The following PLEKHM3 variants were observed in gnomAD, a reference collection of about 807,000 sequenced individuals.
PLEKHM3 encodes pleckstrin homology domain containing M3.
A neutral mutation model predicts 81.8 loss-of-function variants in PLEKHM3; 45 were observed. That is an observed-to-expected ratio of 0.55 (90% confidence interval 0.43 to 0.71). The LOEUF is 0.71. PLEKHM3 is among the 30% of genes least tolerant of loss of function. The probability of loss-of-function intolerance (pLI) is 0.00; values close to 1 mark genes in which losing one functional copy is unlikely to be tolerated. For missense variants in PLEKHM3, 788 were observed against 924.3 expected (o/e 0.85, Z 1.91); for synonymous variants, 352 against 356.4 (o/e 0.99, Z 0.14).
At chr2:207,988,955 T>C (rs990990690) in intron 2 of PLEKHM3, among the ~76,000 whole-genome samples, 4 of 152,200 alleles carry the variant, frequency 2.6e-5, no homozygotes, top group South Asian at 2.1e-4. Flanking sequence ...CAATACCTTA[T>C]TTGCCTCTCT....
intron 5 of PLEKHM3, among the ~76,000 whole-genome samples, chr2:207,914,326 T>C (rs1688912424): frequency 6.6e-6 from 1 of 151,672 alleles, no homozygotes; most frequent in Non-Finnish European, 1.5e-5. Context: ...AGAAACCCCA[T>C]CTCTACTAAA....
chr2:208,020,199 T>C (rs1693079650), intron 1 of PLEKHM3, among the ~76,000 whole-genome samples: 1 of 152,376 alleles, frequency 6.6e-6, no homozygotes, highest in African/African-American at 2.4e-5. Flanking sequence ...CTTTAGTTTG[T>C]ACTGAATTAT....
intron 7 of PLEKHM3, among the ~76,000 whole-genome samples, chr2:207,858,136 ATGTG>A (rs141449083): frequency 0.04 from 5,046 of 126,614 alleles, 220 homozygotes; most frequent in African/African-American, 0.09. Flanking sequence ...TCATATAGAT[ATGTG>A]TGTGTGTGTG....
At chr2:207,930,309 C>A (rs1689546719) in intron 5 of PLEKHM3, among the ~76,000 whole-genome samples, 1 of 152,120 alleles carries the variant, frequency 6.6e-6, no homozygotes, top group Non-Finnish European at 1.5e-5. Flanking sequence ...GAGGCCCACA[C>A]AGTGGCTCAC....
chr2:207,912,514 T>G (rs565969073), intron 5 of PLEKHM3, among the ~76,000 whole-genome samples: 25 of 152,188 alleles, frequency 1.6e-4, no homozygotes, highest in Non-Finnish European at 3.5e-4. Context: ...TCTGGAGAAC[T>G]GGAGAAGATG....
intron 3 of PLEKHM3, among the ~76,000 whole-genome samples, chr2:207,969,306 A>C (rs960289408): frequency 1.3e-5 from 2 of 152,226 alleles, no homozygotes; most frequent in Non-Finnish European, 2.9e-5. Context: ...AAGAATTGCT[A>C]TTCTACATGA....
At chr2:207,865,794 AAAAAAAAAG>A (rs1435502673) in intron 6 of PLEKHM3, among the ~76,000 whole-genome samples, 7 of 43,854 alleles carry the variant, frequency 1.6e-4, no homozygotes, top group African/African-American at 8.7e-4. Flanking sequence ...AAAAAAAAAA[AAAAAAAAAG>A]ATATATATAT....
intron 3 of PLEKHM3, among the ~76,000 whole-genome samples, chr2:207,955,545 TG>T (rs1483240111): frequency 6.6e-6 from 1 of 152,178 alleles, no homozygotes; most frequent in Non-Finnish European, 1.5e-5. Context: ...TGTAAATACA[TG>T]TGTATGTCTC....
chr2:207,853,135 A>G (rs1430508248), intron 7 of PLEKHM3, among the ~76,000 whole-genome samples: 2 of 152,222 alleles, frequency 1.3e-5, no homozygotes, highest in Non-Finnish European at 1.5e-5. Flanking sequence ...GGTATGCTCA[A>G]TAGATTATTT....
At chr2:207,852,382 G>A (rs983869882) in intron 7 of PLEKHM3, among the ~76,000 whole-genome samples, 4 of 152,158 alleles carry the variant, frequency 2.6e-5, no homozygotes, top group Admixed American at 2.6e-4. Flanking sequence ...GCTGGCACTA[G>A]TACTAATAAA....
At chr2:208,019,769 C>G (rs373302353) in intron 1 of PLEKHM3, 1 of 152,236 alleles carries the variant, frequency 6.6e-6, no homozygotes, top group Non-Finnish European at 1.5e-5. Context: ...GGCCTGTTTA[C>G]TGTCTGTCTC....
chr2:207,889,397 A>G (rs1342761357), intron 6 of PLEKHM3, among the ~76,000 whole-genome samples: 4 of 150,052 alleles, frequency 2.7e-5, no homozygotes, highest in African/African-American at 9.8e-5. Context: ...TCCCTCAACT[A>G]GAATACACAT....
At chr2:207,934,890 C>T (rs371371589) in intron 4 of PLEKHM3, among the ~76,000 whole-genome samples, 5 of 152,302 alleles carry the variant, frequency 3.3e-5, no homozygotes, top group South Asian at 4.1e-4. Flanking sequence ...TTCAGGTTTG[C>T]GTAATCCTGA....
At chr2:207,887,842 T>C (rs1314397399) in intron 6 of PLEKHM3, among the ~76,000 whole-genome samples, 1 of 152,148 alleles carries the variant, frequency 6.6e-6, no homozygotes, top group African/African-American at 2.4e-5. Context: ...TTAGTAGAAG[T>C]TGGTCAAGGT....
chr2:207,891,363 A>G (rs1315825087), intron 6 of PLEKHM3, among the ~76,000 whole-genome samples: 4 of 152,194 alleles, frequency 2.6e-5, no homozygotes, highest in African/African-American at 9.7e-5. Flanking sequence ...TAACTCACTT[A>G]ACCTCACAAC....
chr2:207,850,937 G>A (rs1012688175), intron 7 of PLEKHM3, among the ~76,000 whole-genome samples: 9 of 151,312 alleles, frequency 5.9e-5, no homozygotes, highest in African/African-American at 1.9e-4. Flanking sequence ...GGTGGACCAC[G>A]AGGTCACAAG....
intron 7 of PLEKHM3, chr2:207,852,806 T>C: frequency 2.2e-6 from 1 of 447,780 alleles, no homozygotes; most frequent in Non-Finnish European, 4.4e-6. Context: ...CACATATCCT[T>C]GTAATAAATC....
chr2:207,935,707 G>A (rs1198468726), intron 4 of PLEKHM3, among the ~76,000 whole-genome samples: 3 of 152,120 alleles, frequency 2.0e-5, no homozygotes, highest in Non-Finnish European at 4.4e-5. Flanking sequence ...TCAGATCCCT[G>A]GAGACTCTGC....
chr2:207,943,870 A>G (rs1253003943), intron 4 of PLEKHM3, among the ~76,000 whole-genome samples: 1,923 of 101,272 alleles, frequency 0.019, 9 homozygotes, highest in Middle Eastern at 0.064. Flanking sequence ...TCCGTCTCAA[A>G]AAAAAAAAAA....
Sources: allele counts gnomAD v4.1 joint callset (sites outside exome capture counted in the v4.1 genomes callset), GRCh38; gene constraint gnomAD v4.1.1; transcripts MANE v1.5; gene names NCBI Gene and HGNC (gene_info 2026-07-23, HGNC 2026-07-21).